The following AFF1 variants were observed in gnomAD, a reference collection of about 807,000 sequenced individuals.
AFF1 encodes the protein ALF transcription elongation factor 1.
In AFF1, 48 loss-of-function variants were observed where a neutral mutation model predicts 121.7. The observed-to-expected ratio is 0.39, with a 90% CI of 0.31 to 0.50. The LOEUF is 0.50. Ranked by LOEUF, AFF1 falls within the 20% of genes least tolerant of loss-of-function variation. The pLI, the probability that AFF1 is intolerant of heterozygous loss-of-function variation, is 0.76. For missense variants in AFF1, 1,523 were observed against 1,511.7 expected (o/e 1.01, Z -0.12); for synonymous variants, 613 against 563.0 (o/e 1.09, Z -1.26).
At position 86,939,746 on chromosome 4, in the gene AFF1, C is replaced by T. The variant is rs564189069; in HGVS notation, c.-37+4506C>T. Among the ~76,000 whole-genome samples, 4 of 152,296 alleles carry T rather than the reference C, an allele frequency of 2.6e-5. No individual in the cohort carries two copies. The South Asian group carries it at 8.3e-4, about 32-fold the overall frequency. ...TGCAGCCTGGCAGTAGTTCTCAGACCTATAATGTACTCCTGAAAGGCTTGT... is the reference window on the plus strand; with the variant it reads ...TGCAGCCTGGCAGTAGTTCTCAGACTTATAATGTACTCCTGAAAGGCTTGT... On this transcript the variant is annotated intron_variant, in intron 1 of 20. Coordinates refer to ENST00000395146, the MANE Select transcript of AFF1 (RefSeq NM_001166693.3).
At chr4:87,031,638 C>A (rs1729098087) in intron 2 of AFF1, among the ~76,000 whole-genome samples, 2 of 152,236 alleles carry the variant, frequency 1.3e-5, no homozygotes, top group East Asian at 3.9e-4. Flanking sequence ...TTCCTGTTCT[C>A]AACTTTGACG....
intron 8 of AFF1, among the ~76,000 whole-genome samples, chr4:87,103,771 C>T (rs910966027): frequency 2.6e-5 from 4 of 152,126 alleles, no homozygotes; most frequent in Non-Finnish European, 4.4e-5. Context: ...AATTTTTAAT[C>T]CTGTGCTCAA....
chr4:87,138,490 G>GGTGT lies in AFF1; in HGVS notation c.*2818_*2821dup, dbSNP rs35457894. 917 of 219,098 alleles carry GGTGT rather than the reference G, an allele frequency of 4.2e-3. 2 individuals are homozygous for GGTGT. Among genetic ancestry groups the GGTGT allele is most frequent in the African/African-American group, 0.012 (502 of 42,060 alleles). 13.6% of individuals were successfully genotyped at this position (219,098 alleles called of 1,614,324 possible). ...GTAAATCTTGCCTTTGGCACTACAAGGTGTGTGTGTGTGTGTGTGTGTGTG... is the reference window on the plus strand; with the variant it reads ...GTAAATCTTGCCTTTGGCACTACAAGGTGTGTGTGTGTGTGTGTGTGTGTGTGTG... On this transcript the variant is annotated 3_prime_UTR_variant, in exon 21 of 21. Transcript: ENST00000395146.
chr4:87,078,165 G>T (rs915363551), intron 4 of AFF1, among the ~76,000 whole-genome samples: 10 of 152,270 alleles, frequency 6.6e-5, no homozygotes, highest in African/African-American at 2.4e-4. Flanking sequence ...CAATCTACGT[G>T]TGAAAAGTAG....
intron 2 of AFF1, among the ~76,000 whole-genome samples, chr4:87,004,297 A>C (rs1437435152): frequency 6.6e-6 from 1 of 152,222 alleles, no homozygotes; most frequent in African/African-American, 2.4e-5. Flanking sequence ...ATATAGAATA[A>C]GTTTGCACCT....
rs1251771720 is a variant in AFF1, at chr4:87,125,086, A to G, written c.2516A>G (p.Glu839Gly). ...CDNKKIRLEK[E>G]IKSQSSSSSS... ...AACAAGAAAATCAGACTGGAGAAGG[A>G]AATCAAATCACAGTCATCTTCATCT... The change falls in exon 13 of 21, where the codon GAA becomes GGA. Residue 839 changes from glutamate (E) to glycine (G), a missense_variant. This residue lies in a region of AFF1 where 905 missense variants were observed against 842.5 expected (regional missense o/e 1.07). Coordinates refer to ENST00000395146, the MANE Select transcript of AFF1 (RefSeq NM_001166693.3). 6.2e-7 allele frequency: 1 copy of G among 1,610,674 alleles called. No individual in the cohort carries two copies. Among genetic ancestry groups the G allele is most frequent in the East Asian group, 2.2e-5 (1 of 44,834 alleles).
rs142530930 is a variant in AFF1, at chr4:87,046,775, T to G, written c.240T>G (p.Thr80=). The G allele has an allele frequency of 2.2e-4, 360 of 1,614,210 alleles. 1 individual carries two copies. The African/African-American group carries it at 4.1e-3, about 18-fold the overall frequency. Residue 80 remains threonine, a synonymous_variant, in exon 4 of 21, where the codon ACT becomes ACG. Transcript: ENST00000395146. ...AAGAAGTGAAGGAGTTCCTTAGTAC[T>G]AAGTCTCACACTCATCGCCTGGATG... ...NYEEVKEFLS[T]KSHTHRLDAS... is the part of the protein sequence containing the mutation.
chr4:87,060,481 C>A (rs992993145), intron 4 of AFF1, among the ~76,000 whole-genome samples: 1 of 151,998 alleles, frequency 6.6e-6, no homozygotes, highest in African/African-American at 2.4e-5. Flanking sequence ...ATGAGTCATC[C>A]AAATGGGTAG....
intron 4 of AFF1, among the ~76,000 whole-genome samples, chr4:87,068,704 G>C (rs1442453462): frequency 6.6e-6 from 1 of 152,198 alleles, no homozygotes; most frequent in Non-Finnish European, 1.5e-5. Flanking sequence ...ACTTGAGAGA[G>C]CATTTTTAGG....
chr4:87,110,235 A>G (rs930015525), intron 11 of AFF1, among the ~76,000 whole-genome samples: 4 of 152,040 alleles, frequency 2.6e-5, no homozygotes, highest in African/African-American at 9.7e-5. Flanking sequence ...ATAGTTGTAT[A>G]TATGAGTGCG....
chr4:86,953,730 T>TC (rs1721542012), intron 2 of AFF1, among the ~76,000 whole-genome samples: 1 of 152,132 alleles, frequency 6.6e-6, no homozygotes, highest in African/African-American at 2.4e-5. Flanking sequence ...TTTTTTCTTT[T>TC]TTTTTTGAGA....
At chr4:87,098,139 AAG>A (rs1189594254) in intron 8 of AFF1, among the ~76,000 whole-genome samples, 1 of 152,204 alleles carries the variant, frequency 6.6e-6, no homozygotes, top group Non-Finnish European at 1.5e-5. Flanking sequence ...AAGAGTATAA[AAG>A]AGAGGCCCAG....
At chr4:87,077,285 C>G (rs1352793591) in intron 4 of AFF1, among the ~76,000 whole-genome samples, 1 of 95,938 alleles carries the variant, frequency 1.0e-5, no homozygotes. Context: ...GACTGGAAAT[C>G]TGTTTTGTTT....
In AFF1 at chr4:87,135,791, C is replaced by T. The variant is rs1729256223; in HGVS notation, c.*90C>T. 1 of 1,437,240 alleles carries T rather than the reference C, an allele frequency of 7.0e-7. No individual in the cohort carries two copies. The highest frequency in any genetic ancestry group is 2.4e-5 in the East Asian group (1 of 41,086). The allele number at this position is 1,437,240 out of a possible 1,614,324, so 89.0% of individuals were successfully genotyped here. On this transcript the variant is annotated 3_prime_UTR_variant, in exon 21 of 21. Coordinates refer to ENST00000395146, the MANE Select transcript of AFF1 (RefSeq NM_001166693.3). ...TCCAGACATTTGTTTCATCAGGACA[C>T]CAAACTCTAAAAAAGAAGCACCACG...
In AFF1 at chr4:87,038,216, TGTTA is replaced by T. The variant is rs1332489757; in HGVS notation, c.39-7945_39-7942del. ...TTATAAATTTTAAGAATGTTATTCA[TGTTA>T]GTTATTGAGAGTGAAAACCCTGGGA... is the stretch of plus-strand genomic sequence containing the variant. On this transcript the variant is annotated intron_variant, in intron 2 of 20. Transcript: ENST00000395146. Among the ~76,000 whole-genome samples the T allele has an allele frequency of 3.9e-5, 6 of 152,324 alleles. 1 individual carries two copies. In the South Asian group the frequency reaches 6.2e-4, roughly 16 times the overall value.
chr4:87,081,620 A>G (rs1180199088), intron 4 of AFF1, among the ~76,000 whole-genome samples: 2 of 152,186 alleles, frequency 1.3e-5, no homozygotes, highest in African/African-American at 2.4e-5. Flanking sequence ...CTCATTTCCA[A>G]TTATTTGCCA....
At position 86,949,537 on chromosome 4, in the gene AFF1, A is replaced by ATTT. The variant is rs754229542; in HGVS notation, c.38+983_38+985dup. 2.0e-4 allele frequency: 49 copies of ATTT among 248,390 alleles called. 1 individual carries two copies. Among genetic ancestry groups the ATTT allele is most frequent in the Admixed American group, 5.1e-4 (8 of 15,772 alleles). 15.4% of individuals were successfully genotyped at this position (248,390 alleles called of 1,614,324 possible). Reference sequence around the variant, plus strand: ...CTATTTATTAATTATTATTATTATTATTTTTTTTTTTTTTTTTTTCCCGAC... The same window carrying ATTT: ...CTATTTATTAATTATTATTATTATTATTTTTTTTTTTTTTTTTTTTTTCCCGAC... On this transcript the variant is annotated intron_variant, in intron 2 of 20. Transcript: ENST00000395146.
chr4:87,116,613 G>T (rs1412490360), intron 12 of AFF1, among the ~76,000 whole-genome samples: 1 of 152,210 alleles, frequency 6.6e-6, no homozygotes, highest in Non-Finnish European at 1.5e-5. Flanking sequence ...TTAATCCAGT[G>T]CGTTAAAAAT....
At chr4:86,983,336 G>T (rs1449215888) in intron 2 of AFF1, among the ~76,000 whole-genome samples, 1 of 152,078 alleles carries the variant, frequency 6.6e-6, no homozygotes, top group African/African-American at 2.4e-5. Context: ...AGACCAGCCT[G>T]ACCAACATGG....
Sources: allele counts gnomAD v4.1 joint callset (sites outside exome capture counted in the v4.1 genomes callset), GRCh38; gene constraint gnomAD v4.1.1; regional missense constraint gnomAD v4.1.1; transcripts MANE v1.5; gene names NCBI Gene and HGNC (gene_info 2026-07-23, HGNC 2026-07-21).